The following PTPRD variants were observed in gnomAD, a reference collection of about 807,000 sequenced individuals.
The protein encoded by PTPRD is receptor-type tyrosine-protein phosphatase delta.
In PTPRD, 34 loss-of-function variants were observed where a neutral mutation model predicts 214.5. That is an observed-to-expected ratio of 0.16 (90% CI 0.12 to 0.21). The LOEUF (loss-of-function observed/expected upper bound fraction) is 0.21, where lower values mean the gene tolerates loss of function less well. PTPRD is among the 10% of genes least tolerant of loss of function. The pLI, the probability that PTPRD is intolerant of heterozygous loss-of-function variation, is 1.00. For missense variants in PTPRD, 2,545 were observed against 2,398.7 expected, an observed-to-expected ratio of 1.06 and a Z score of -1.27; for synonymous variants, 1,128 against 845.7, an observed-to-expected ratio of 1.33 and a Z score of -5.79.
At chr9:9,768,242 A>AT (rs2098722414) in intron 5 of PTPRD, among the ~76,000 whole-genome samples, 1 of 152,174 alleles carries the variant, frequency 6.6e-6, no homozygotes, top group African/African-American at 2.4e-5. Flanking sequence ...TGAGACTTGA[A>AT]TTTTCATGTA....
rs2098688699 is a variant in PTPRD, at chr9:8,733,901, A to C, written c.-58T>G. The C allele has an allele frequency of 6.6e-7, 1 of 1,513,170 alleles. No individual in the cohort carries two copies. 93.7% of individuals were successfully genotyped at this position (1,513,170 alleles called of 1,614,324 possible). ...TTGGAATCACTGCCTCCGGAGCCGC[A>C]GCGAGTCTGTCCGATCTGAAATTTC... is the stretch of plus-strand genomic sequence containing the variant. On this transcript the variant is annotated 5_prime_UTR_variant, in exon 12 of 46. Coordinates refer to ENST00000381196, the MANE Select transcript of PTPRD (RefSeq NM_002839.4).
At chr9:8,664,292 G>A (rs1457616704) in intron 12 of PTPRD, among the ~76,000 whole-genome samples, 1 of 152,104 alleles carries the variant, frequency 6.6e-6, no homozygotes, top group Admixed American at 6.5e-5. Flanking sequence ...ACCATCATGT[G>A]TATCTATCAA....
chr9:9,347,227 T>A (rs1429674308), intron 9 of PTPRD, among the ~76,000 whole-genome samples: 1 of 151,670 alleles, frequency 6.6e-6, no homozygotes, highest in Non-Finnish European at 1.5e-5. Context: ...ATTTTACACA[T>A]GAACTCTGTT....
chr9:9,688,749 G>C (rs1430327772), intron 7 of PTPRD, among the ~76,000 whole-genome samples: 1 of 151,722 alleles, frequency 6.6e-6, no homozygotes, highest in Non-Finnish European at 1.5e-5. Context: ...TCCTTAGATA[G>C]ACTACTCTAC....
At chr9:8,531,909 C>A (rs1226628859) in intron 14 of PTPRD, among the ~76,000 whole-genome samples, 3 of 152,044 alleles carry the variant, frequency 2.0e-5, no homozygotes, top group African/African-American at 7.2e-5. Flanking sequence ...TTGACTTGTA[C>A]CTTCCTGAAA....
At chr9:9,759,199 C>G (rs1316483285) in intron 6 of PTPRD, among the ~76,000 whole-genome samples, 2 of 152,144 alleles carry the variant, frequency 1.3e-5, no homozygotes, top group Non-Finnish European at 2.9e-5. Flanking sequence ...CCCTGAGATC[C>G]TATAGTAATA....
At chr9:9,201,559 T>TA (rs1028251101) in intron 9 of PTPRD, among the ~76,000 whole-genome samples, 10 of 151,440 alleles carry the variant, frequency 6.6e-5, no homozygotes, top group East Asian at 3.9e-4. Flanking sequence ...ACTTGGTGAT[T>TA]AAAAAAAAAC....
intron 3 of PTPRD, among the ~76,000 whole-genome samples, chr9:10,122,447 G>A (rs762823883): frequency 1.2e-4 from 18 of 152,184 alleles, no homozygotes; most frequent in South Asian, 4.2e-4. Flanking sequence ...AAGGGCTACC[G>A]TGGGAAAGTA....
intron 11 of PTPRD, among the ~76,000 whole-genome samples, chr9:8,990,764 C>A (rs966117580): frequency 6.6e-6 from 1 of 151,992 alleles, no homozygotes; most frequent in Non-Finnish European, 1.5e-5. Context: ...TGCCCCATAC[C>A]CAGGAGGAAG....
intron 9 of PTPRD, among the ~76,000 whole-genome samples, chr9:9,304,640 T>C (rs369844637): frequency 9.9e-5 from 15 of 151,650 alleles, no homozygotes; most frequent in African/African-American, 3.6e-4. Flanking sequence ...TATCTTATTT[T>C]CTCTAGAGGA....
At chr9:9,266,153 A>C (rs1443685351) in intron 9 of PTPRD, among the ~76,000 whole-genome samples, 1 of 151,556 alleles carries the variant, frequency 6.6e-6, no homozygotes, top group East Asian at 2.0e-4. Context: ...AAGTCATTTT[A>C]TAATGATAAA....
chr9:10,324,478 G>GT (rs1291846303), intron 3 of PTPRD, among the ~76,000 whole-genome samples: 3 of 152,052 alleles, frequency 2.0e-5, no homozygotes, highest in African/African-American at 7.2e-5. Flanking sequence ...ACAAGTAGAT[G>GT]GATAATATTG....
At chr9:9,090,303 A>T (rs1033141241) in intron 10 of PTPRD, among the ~76,000 whole-genome samples, 2 of 152,202 alleles carry the variant, frequency 1.3e-5, no homozygotes, top group African/African-American at 4.8e-5. Context: ...AAGTGAGAAC[A>T]CGCAATATTT....
intron 2 of PTPRD, among the ~76,000 whole-genome samples, chr9:10,509,433 C>G (rs1354909778): frequency 1.3e-5 from 2 of 150,074 alleles, no homozygotes; most frequent in African/African-American, 4.9e-5. Flanking sequence ...CCATTAGGTA[C>G]TCTTTCATGT....
At chr9:9,634,059 T>C (rs1017846224) in intron 7 of PTPRD, among the ~76,000 whole-genome samples, 1 of 152,170 alleles carries the variant, frequency 6.6e-6, no homozygotes, top group African/African-American at 2.4e-5. Flanking sequence ...TTTTATTTTT[T>C]ACTTAAAAAT....
intron 7 of PTPRD, among the ~76,000 whole-genome samples, chr9:9,641,993 T>G (rs187959862): frequency 6.6e-6 from 1 of 151,570 alleles, no homozygotes; most frequent in Non-Finnish European, 1.5e-5. Context: ...TTATTCACAA[T>G]AGCAAAGACT....
At chr9:9,535,240 C>A (rs2076275105) in intron 8 of PTPRD, among the ~76,000 whole-genome samples, 1 of 152,026 alleles carries the variant, frequency 6.6e-6, no homozygotes, top group Non-Finnish European at 1.5e-5. Flanking sequence ...AAAACTTTGA[C>A]TGAAGATGTA....
At chr9:8,697,311 T>G (rs1298031457) in intron 12 of PTPRD, among the ~76,000 whole-genome samples, 1 of 152,194 alleles carries the variant, frequency 6.6e-6, no homozygotes, top group East Asian at 1.9e-4. Flanking sequence ...AGATGGATCA[T>G]GGGGCTCTTT....
chr9:8,931,654 C>T (rs185812927), intron 11 of PTPRD, among the ~76,000 whole-genome samples: 13 of 151,972 alleles, frequency 8.6e-5, no homozygotes, highest in Admixed American at 2.0e-4. Flanking sequence ...GCCAGGTTTA[C>T]GTATCACGAT....
Sources: allele counts gnomAD v4.1 joint callset (sites outside exome capture counted in the v4.1 genomes callset), GRCh38; gene constraint gnomAD v4.1.1; transcripts MANE v1.5; gene names NCBI Gene and HGNC (gene_info 2026-07-23, HGNC 2026-07-21).